KCND1: variants seen among roughly 807,000 people sequenced by gnomAD.
KCND1 encodes the protein A-type voltage-gated potassium channel KCND1.
Under a neutral mutation model 31.8 loss-of-function variants are expected in KCND1, and 11 were observed. The ratio of observed to expected loss-of-function variants is 0.35; its 90% CI spans 0.22 to 0.57. The LOEUF is 0.57. KCND1 is among the 20% of genes least tolerant of loss of function. The pLI is 0.85. For synonymous variants in KCND1, 234 were observed against 248.1 expected, an observed-to-expected ratio of 0.94 and a Z score of 0.53; for missense variants, 471 against 596.8, an observed-to-expected ratio of 0.79 and a Z score of 2.20.
rs782352122 is a variant in KCND1 at position 48,971,393 on chromosome X, G to A, written c.-1122C>T. 1 of 111,222 alleles carries A rather than the reference G, an allele frequency of 9.0e-6. No individual in the cohort carries two copies. Among genetic ancestry groups the A allele is most frequent in the South Asian group, 3.8e-4 (1 of 2,617 alleles). The allele number at this position is 111,222 out of a possible 1,213,427, so 9.2% of individuals were successfully genotyped here. ...GTGTCTCCAGGGAGGGGGGCTCCTG[G>A]GCTTTGCAGGAAGCTGGCAGGAGAC... On this transcript the variant is annotated 5_prime_UTR_variant, in exon 1 of 6. Transcript: ENST00000218176.
Position 48,966,850 on chromosome X carries a change from G to C in KCND1, c.1285-6C>G. 8.3e-6 allele frequency: 10 copies of C among 1,203,956 alleles called. No individual in the cohort carries two copies. The highest frequency in any genetic ancestry group is 1.1e-5 in the Non-Finnish European group (10 of 890,674). On this transcript the variant is annotated splice_region_variant and splice_polypyrimidine_tract_variant and intron_variant, in intron 2 of 5. Transcript: ENST00000218176. ...ATCCTTGCCAAGCGCACCTTCTGCA[G>C]AGAGAGGAGATAAAAGGTCAGGTGG...
At position 48,962,502 on chromosome X, in the gene KCND1, T is replaced by C; in HGVS notation, c.*79A>G. The C allele has an allele frequency of 1.3e-6, 1 of 775,360 alleles. No individual in the cohort carries two copies. The allele number at this position is 775,360 out of a possible 1,213,427, so 63.9% of individuals were successfully genotyped here. A position where few individuals can be genotyped will look rare whatever the true frequency, so the allele number is the denominator to read the frequency against. ...CAGAAGGGGTGCCCAAGCCTGCCCC[T>C]CTCTGCCTCCCAAAAATATGGCTTT... On this transcript the variant is annotated 3_prime_UTR_variant, in exon 6 of 6. Coordinates refer to ENST00000218176, the MANE Select transcript of KCND1 (RefSeq NM_004979.6).
At chrX:48,966,399 A>C in intron 4 of KCND1, 94 bp from the exon 5 acceptor site, 1 of 1,084,470 alleles carries the variant, frequency 9.2e-7, no homozygotes, top group Non-Finnish European at 1.2e-6. Flanking sequence ...CTTTCTGGAC[A>C]TTGTTCCCTC....
intron 5 of KCND1, among the ~76,000 whole-genome samples, chrX:48,965,827 G>A (rs1317429742): frequency 9.3e-6 from 1 of 107,398 alleles, no homozygotes; most frequent in African/African-American, 3.4e-5. Flanking sequence ...AGCGAGCTGA[G>A]ATCCCGCCAT....
rs1557058050 is a variant in KCND1 at position 48,966,597 on chromosome X, T to C, written c.1448A>G (p.His483Arg). 1.7e-5 allele frequency: 20 copies of C among 1,209,293 alleles called. No individual in the cohort carries two copies. The highest frequency in any genetic ancestry group is 2.0e-5 in the Non-Finnish European group (18 of 893,781). ...CCTCACCGTTGTCTTCTCTAGACAG[T>C]GCAGCAAGTGGTGATGTTGCTGTTC... is the stretch of plus-strand genomic sequence containing the variant. Reference protein sequence around the residue: ...AFEQQHHHLLHCLEKTTCHEF... With the variant: ...AFEQQHHHLLRCLEKTTCHEF... The change falls in exon 4 of 6, where the codon CAC becomes CGC. Residue 483 changes from histidine (H) to arginine (R), a missense_variant. Physicochemically the swap from His to Arg is conservative, Grantham distance 29. Transcript: ENST00000218176.
chrX:48,966,443 T>C, intron 4 of KCND1, 135 bp downstream of exon 4: 1 of 1,006,810 alleles, frequency 9.9e-7, no homozygotes, highest in Non-Finnish European at 1.3e-6. Flanking sequence ...AAGGCTTGGC[T>C]CTCCTGTAGC....
rs1203265371 is a variant in KCND1 at position 48,965,355 on chromosome X, C to T, written c.1718+700G>A. On this transcript the variant is annotated intron_variant, in intron 5 of 5. Transcript: ENST00000218176. ...CATGAGCCACTGCGCCCGGCCTGCT[C>T]TATGCTTTCTAGCCCCCATCCCTGA... Among the ~76,000 whole-genome samples, 3 of 111,903 alleles carry T rather than the reference C, an allele frequency of 2.7e-5. No homozygotes were observed. In the East Asian group the frequency reaches 8.6e-4, roughly 32 times the overall value.
Position 48,966,565 on chromosome X carries a change from C to G in KCND1, c.1467+13G>C. 1 of 1,199,393 alleles carries G rather than the reference C, an allele frequency of 8.3e-7. No individual in the cohort carries two copies. Among genetic ancestry groups the G allele is most frequent in the Non-Finnish European group, 1.1e-6 (1 of 885,413 alleles). ...CCCTCTATTCTGCTATATCACCTCA[C>G]ATTAGGCCTCACCGTTGTCTTCTCT... On this transcript the variant is annotated intron_variant, in intron 4 of 5. Transcript: ENST00000218176.
intron 1 of KCND1, chrX:48,967,382 G>C (rs1557058215): frequency 3.1e-6 from 1 of 322,052 alleles, no homozygotes; most frequent in East Asian, 5.6e-5. Flanking sequence ...GGAGCATGAG[G>C]AAGTCACAGG....
In KCND1 at chrX:48,962,630, A is replaced by G; in HGVS notation, c.1895T>C (p.Leu632Pro). The part of the protein sequence containing the change: ...RAGSTLRNSS[L>P]GTPCLFPETV... ...CTCGGGGAAGAGGCAAGGGGTACCC[A>G]GGCTGGAGTTCCTGAGGGTGCTGCC... Residue 632 changes from leucine (L) to proline (P), a missense_variant, in exon 6 of 6, where the codon CTG (leucine) becomes CCG (proline). Physicochemically the swap from Leu to Pro is moderately conservative, Grantham distance 98 (BLOSUM62 -3). Transcript: ENST00000218176. 1.7e-6 allele frequency: 2 copies of G among 1,210,464 alleles called. No individual in the cohort carries two copies. The highest frequency in any genetic ancestry group is 2.2e-6 in the Non-Finnish European group (2 of 894,862).
rs782098842 is a variant in KCND1 at position 48,966,146 on chromosome X, G to A, written c.1627C>T (p.Arg543Cys). 19 of 1,209,542 alleles carry A rather than the reference G, an allele frequency of 1.6e-5. No individual in the cohort carries two copies. The highest frequency in any genetic ancestry group is 2.0e-5 in the Non-Finnish European group (18 of 895,227). Reference protein sequence around the residue: ...CPRRAKRRAIRLANSTASVSR... With the variant: ...CPRRAKRRAICLANSTASVSR... ...ACTGAGGCAGTGGAGTTGGCAAGGCGGATGGCGCGGCGCTTGGCCCTGCGA... is the reference window on the plus strand; with the variant it reads ...ACTGAGGCAGTGGAGTTGGCAAGGCAGATGGCGCGGCGCTTGGCCCTGCGA... Residue 543 changes from arginine (R) to cysteine (C), a missense_variant, in exon 5 of 6, where the codon CGC becomes TGC. Arg to Cys is a radical substitution (Grantham distance 180, BLOSUM62 -3). Around this residue, in one of 3 missense-constraint regions of KCND1, gnomAD observed 185 missense variants for 184.7 expected, o/e 1.00. Coordinates refer to ENST00000218176, the MANE Select transcript of KCND1 (RefSeq NM_004979.6).
At chrX:48,966,918 G>A (rs782027862) in intron 2 of KCND1, 26 bp downstream of exon 2, 1 of 1,208,928 alleles carries the variant, frequency 8.3e-7, no homozygotes, top group Non-Finnish European at 1.1e-6. Flanking sequence ...GGGAGTAGGA[G>A]GTGCTCGGAT....
chrX:48,962,476 G>C lies in KCND1; in HGVS notation c.*105C>G, dbSNP rs2064326381. On this transcript the variant is annotated 3_prime_UTR_variant, in exon 6 of 6. Coordinates refer to ENST00000218176, the MANE Select transcript of KCND1 (RefSeq NM_004979.6). ...CATTGCATAGTTCTCAGTGGGGGGGGCAGAAGGGGTGCCCAAGCCTGCCCC... is the reference window on the plus strand; with the variant it reads ...CATTGCATAGTTCTCAGTGGGGGGGCCAGAAGGGGTGCCCAAGCCTGCCCC... The C allele has an allele frequency of 1.3e-5, 7 of 533,174 alleles. No homozygotes were observed. The East Asian group carries it at 2.5e-4, about 19-fold the overall frequency. 43.9% of individuals were successfully genotyped at this position (533,174 alleles called of 1,213,427 possible).
At position 48,961,822 on chromosome X, in the gene KCND1, T is replaced by A; in HGVS notation, c.*759A>T. ...AGGTGGCCCCTCTGATTAGGGCAGA[T>A]GTAAATGCTGCAGCAAACTGGTCAG... On this transcript the variant is annotated 3_prime_UTR_variant, in exon 6 of 6. Transcript: ENST00000218176. The A allele has an allele frequency of 8.9e-6, 1 of 112,976 alleles. No homozygotes were observed. Among genetic ancestry groups the A allele is most frequent in the Non-Finnish European group, 1.9e-5 (1 of 53,240 alleles). The allele number at this position is 112,976 out of a possible 1,213,427, so 9.3% of individuals were successfully genotyped here. A position where few individuals can be genotyped will look rare whatever the true frequency, so the allele number is the denominator to read the frequency against.
chrX:48,969,551 T>G lies in KCND1; in HGVS notation c.721A>C (p.Ile241Leu), dbSNP rs782009069. 2 of 1,210,180 alleles carry G rather than the reference T, an allele frequency of 1.7e-6. No individual in the cohort carries two copies. The highest frequency in any genetic ancestry group is 4.4e-5 in the Admixed American group (2 of 45,946). ...FFCMDTACVL[I>L]FTGEYLLRLF... ...CGCAGGAGGTATTCACCTGTGAATA[T>G]GAGTACACAGGCTGTGTCCATGCAG... Residue 241 changes from isoleucine (I) to leucine (L), a missense_variant, in exon 1 of 6, where the codon ATA (isoleucine) becomes CTA (leucine). By Grantham distance (5) the Ile-to-Leu change is conservative. Transcript: ENST00000218176.
Position 48,967,004 on chromosome X carries a change from C to T in KCND1, c.1224G>A (p.Val408=). ...LVIALPVPVI[V]SNFSRIYHQN... is the part of the protein sequence containing the mutation. ...GGTGGTAGATGCGGCTAAAGTTGGACACAATGACTGGCACAGGCAGGGCAA... is the reference window on the plus strand; with the variant it reads ...GGTGGTAGATGCGGCTAAAGTTGGATACAATGACTGGCACAGGCAGGGCAA... Residue 408 remains valine, a synonymous_variant, in exon 2 of 6, where the codon GTG becomes GTA. Transcript: ENST00000218176. 1 of 1,210,285 alleles carries T rather than the reference C, an allele frequency of 8.3e-7. No homozygotes were observed. Among genetic ancestry groups the T allele is most frequent in the Non-Finnish European group, 1.1e-6 (1 of 894,988 alleles).
rs2064386048 is a variant in KCND1, at chrX:48,971,151, G to A, written c.-880C>T. 9.1e-6 allele frequency: 1 copy of A among 109,602 alleles called. No homozygotes were observed. Among genetic ancestry groups the A allele is most frequent in the South Asian group, 3.9e-4 (1 of 2,542 alleles). 9.0% of individuals were successfully genotyped at this position (109,602 alleles called of 1,213,427 possible). A position where few individuals can be genotyped will look rare whatever the true frequency, so the allele number is the denominator to read the frequency against. ...GGCTGAGAGTTATCTGGGGGAGGTG[G>A]GTATCTAGACGGGCCAACAAAGCCT... is the stretch of plus-strand genomic sequence containing the variant. On this transcript the variant is annotated 5_prime_UTR_variant, in exon 1 of 6. Transcript: ENST00000218176.
Position 48,970,466 on chromosome X carries a change from C to A in KCND1, c.-195G>T. On this transcript the variant is annotated 5_prime_UTR_variant, in exon 1 of 6. It adds an upstream start codon to the 5' untranslated region. Coordinates refer to ENST00000218176, the MANE Select transcript of KCND1 (RefSeq NM_004979.6). Reference sequence around the variant, plus strand: ...GGAGTCTGGGGGACATTTACAGAACCTAGGAGGGGCCTGGGCAATGTTCTG... The same window carrying A: ...GGAGTCTGGGGGACATTTACAGAACATAGGAGGGGCCTGGGCAATGTTCTG... The A allele has an allele frequency of 2.4e-6, 1 of 421,824 alleles. No individual in the cohort carries two copies. Among genetic ancestry groups the A allele is most frequent in the Non-Finnish European group, 4.0e-6 (1 of 247,552 alleles). 34.8% of individuals were successfully genotyped at this position (421,824 alleles called of 1,213,427 possible).
In KCND1 at chrX:48,969,836, G is replaced by A. The variant is rs377041989; in HGVS notation, c.436C>T (p.Arg146Cys). 3 of 1,209,963 alleles carry A rather than the reference G, an allele frequency of 2.5e-6. No individual in the cohort carries two copies. The highest frequency in any genetic ancestry group is 1.8e-5 in the South Asian group (1 of 56,668). The change falls in exon 1 of 6, where the codon CGC (arginine) becomes TGC (cysteine). Residue 146 changes from arginine to cysteine, a missense_variant. Around this residue, in one of 3 missense-constraint regions of KCND1, gnomAD observed 212 missense variants for 257.9 expected, o/e 0.82. Coordinates refer to ENST00000218176, the MANE Select transcript of KCND1 (RefSeq NM_004979.6). ...TCTGCCTCCTCATCCTCTGCCAGGC[G>A]CTCGGCATTCTCCTTCTTTCGGTCC... Reference protein sequence around the residue: ...YRDRKKENAERLAEDEEAEQA... With the variant: ...YRDRKKENAECLAEDEEAEQA...
Sources: gnomAD v4.1 joint callset for allele counts (sites outside exome capture counted in the v4.1 genomes callset) on GRCh38, gnomAD v4.1.1 for gene constraint, gnomAD v4.1.1 regional missense constraint, MANE v1.5 for transcripts, NCBI Gene and HGNC (gene_info 2026-07-23, HGNC 2026-07-21) for gene names.